Variants in GDPD4 observed in about 807,000 individuals in gnomAD.
GDPD4 encodes the protein glycerophosphodiester phosphodiesterase domain containing 4, also known as glycerophosphodiester phosphodiesterase 6.
GDPD4 carries 60 observed loss-of-function variants against 67.8 expected under a neutral mutation model. The observed-to-expected ratio is 0.88, with a 90% CI of 0.72 to 1.10. The LOEUF (loss-of-function observed/expected upper bound fraction) is 1.10. Ranked by LOEUF, GDPD4 falls within the 50% of genes least tolerant of loss-of-function variation. The pLI, the probability that GDPD4 is intolerant of heterozygous loss-of-function variation, is 0.00. For missense variants in GDPD4, 623 were observed against 613.9 expected (o/e 1.01, Z -0.16); for synonymous variants, 212 against 210.9 (o/e 1.00, Z -0.04).
At chr11:77,223,433 AAC>A (rs1958265930) in intron 16 of GDPD4, among the ~76,000 whole-genome samples, 1 of 152,094 alleles carries the variant, frequency 6.6e-6, no homozygotes, top group African/African-American at 2.4e-5. Flanking sequence ...CCTTCTAACA[AAC>A]AGTCAGGTCC....
intron 13 of GDPD4, among the ~76,000 whole-genome samples, chr11:77,242,912 T>C (rs1005007449): frequency 7.7e-6 from 1 of 130,594 alleles, no homozygotes; most frequent in Non-Finnish European, 1.7e-5. Context: ...AAAGGAGACT[T>C]TGGATATCTA....
intron 14 of GDPD4, 102 bp from the exon 15 acceptor site, chr11:77,229,334 G>T: frequency 1.5e-6 from 1 of 670,174 alleles, no homozygotes; most frequent in Non-Finnish European, 2.6e-6. Flanking sequence ...GAGGAGGAGA[G>T]GAAGAGGGGA....
chr11:77,237,475 C>A (rs1205291824), intron 13 of GDPD4, among the ~76,000 whole-genome samples: 5 of 152,108 alleles, frequency 3.3e-5, no homozygotes, highest in Non-Finnish European at 4.4e-5. Flanking sequence ...GAATACTACA[C>A]CCAACAACTG....
chr11:77,270,486 G>A (rs975270041), intron 7 of GDPD4, among the ~76,000 whole-genome samples: 14 of 152,174 alleles, frequency 9.2e-5, no homozygotes, highest in Non-Finnish European at 1.5e-4. Context: ...GGGAGGCTGA[G>A]GCAGGCGGAT....
At chr11:77,246,625 A>G (rs1405343464) in intron 11 of GDPD4, among the ~76,000 whole-genome samples, 1 of 152,220 alleles carries the variant, frequency 6.6e-6, no homozygotes, top group Non-Finnish European at 1.5e-5. Context: ...GAGGAAGAAT[A>G]ACCTATATAT....
intron 13 of GDPD4, among the ~76,000 whole-genome samples, chr11:77,234,579 A>G (rs190358182): frequency 3.3e-5 from 5 of 152,290 alleles, no homozygotes; most frequent in Admixed American, 6.5e-5. Context: ...GCTCCCACTT[A>G]TAAGTGAGAA....
chr11:77,276,849 T>A (rs553287063), intron 4 of GDPD4, among the ~76,000 whole-genome samples: 13 of 152,334 alleles, frequency 8.5e-5, no homozygotes, highest in Admixed American at 7.8e-4. Flanking sequence ...TAATTTCATG[T>A]GTATTTCATT....
At chr11:77,225,079 TG>T (rs1958301916) in intron 16 of GDPD4, among the ~76,000 whole-genome samples, 1 of 151,854 alleles carries the variant, frequency 6.6e-6, no homozygotes, top group Non-Finnish European at 1.5e-5. Context: ...ACTCCAGACT[TG>T]GGCGAAAGAG....
chr11:77,253,760 T>G (rs1958950761), intron 11 of GDPD4, among the ~76,000 whole-genome samples: 1 of 152,102 alleles, frequency 6.6e-6, no homozygotes, highest in South Asian at 2.1e-4. Context: ...TCTGACAAAG[T>G]ACTTTTTCCT....
intron 16 of GDPD4, among the ~76,000 whole-genome samples, chr11:77,221,671 A>G (rs1958227158): frequency 6.6e-6 from 1 of 152,126 alleles, no homozygotes; most frequent in African/African-American, 2.4e-5. Flanking sequence ...CAGTTTTGGA[A>G]TGAGTGCAAT....
At chr11:77,277,207 T>C (rs1427932832) in intron 4 of GDPD4, among the ~76,000 whole-genome samples, 1 of 150,946 alleles carries the variant, frequency 6.6e-6, no homozygotes, top group Non-Finnish European at 1.5e-5. Context: ...ACATCCTTCA[T>C]CTACATTTTC....
intron 16 of GDPD4, among the ~76,000 whole-genome samples, chr11:77,221,197 T>C (rs751421926): frequency 6.6e-6 from 1 of 152,150 alleles, no homozygotes; most frequent in Admixed American, 6.5e-5. Flanking sequence ...AGCTCCTGGA[T>C]TGATTTTTTT....
intron 3 of GDPD4, among the ~76,000 whole-genome samples, chr11:77,281,487 A>G (rs954510893): frequency 6.6e-6 from 1 of 152,240 alleles, no homozygotes; most frequent in African/African-American, 2.4e-5. Flanking sequence ...AACAACTAGA[A>G]AAGCTAGACA....
At chr11:77,289,916 A>C (rs117691986) in intron 1 of GDPD4, among the ~76,000 whole-genome samples, 3 of 152,278 alleles carry the variant, frequency 2.0e-5, no homozygotes, top group Admixed American at 6.5e-5. Flanking sequence ...TGAAAACCAT[A>C]AAGTGACCAA....
At chr11:77,245,163 G>A in intron 12 of GDPD4, 118 bp downstream of exon 12, 1 of 718,430 alleles carries the variant, frequency 1.4e-6, no homozygotes, top group South Asian at 1.8e-5. Flanking sequence ...TCCATAGGAA[G>A]TAAAATTACT....
chr11:77,273,618 G>T (rs1265566804), intron 5 of GDPD4, among the ~76,000 whole-genome samples: 1 of 152,166 alleles, frequency 6.6e-6, no homozygotes, highest in Non-Finnish European at 1.5e-5. Context: ...ATTGATATGG[G>T]TGCACTTACC....
chr11:77,297,123 A>G (rs1275425575), intron 1 of GDPD4, among the ~76,000 whole-genome samples: 2 of 152,008 alleles, frequency 1.3e-5, no homozygotes, highest in Admixed American at 1.3e-4. Flanking sequence ...GGTAAAATGT[A>G]TGGTGTCTGC....
At chr11:77,222,971 G>T (rs1958256797) in intron 16 of GDPD4, among the ~76,000 whole-genome samples, 1 of 151,992 alleles carries the variant, frequency 6.6e-6, no homozygotes, top group Non-Finnish European at 1.5e-5. Context: ...TCATTAATTT[G>T]ATCTTCAATC....
rs888368414 is a variant in GDPD4, at chr11:77,268,318, G to C, written c.707+139C>G. The C allele has an allele frequency of 1.4e-5, 9 of 661,278 alleles. No homozygotes were observed. In the African/African-American group the frequency reaches 1.6e-4, roughly 12 times the overall value. The allele number at this position is 661,278 out of a possible 1,614,324, so 41.0% of individuals were successfully genotyped here. A position where few individuals can be genotyped will look rare whatever the true frequency, so the allele number is the denominator to read the frequency against. On this transcript the variant is annotated intron_variant, in intron 10 of 16. Transcript: ENST00000315938. ...TTGTGAGATGTGGTTCATTTGTGTA[G>C]TACATGCATATATGCCATATGAACA...
Sources: gnomAD v4.1 joint callset for allele counts (sites outside exome capture counted in the v4.1 genomes callset) on GRCh38, gnomAD v4.1.1 for gene constraint, MANE v1.5 for transcripts, NCBI Gene and HGNC (gene_info 2026-07-23, HGNC 2026-07-21) for gene names.